OPCML: variants seen among roughly 807,000 people sequenced by gnomAD.
OPCML encodes the protein opioid binding protein/cell adhesion molecule like, also known as opioid-binding protein/cell adhesion molecule.
In OPCML, 13 loss-of-function variants were observed where a neutral mutation model predicts 37.8. That is an observed-to-expected ratio of 0.34 (90% CI 0.22 to 0.55). The LOEUF is 0.55. OPCML is among the 20% of genes least tolerant of loss of function. OPCML has a pLI of 0.91. For missense variants in OPCML, 341 were observed against 435.6 expected, an observed-to-expected ratio of 0.78 and a Z score of 1.93; for synonymous variants, 176 against 168.8, an observed-to-expected ratio of 1.04 and a Z score of -0.33.
intron 1 of OPCML, among the ~76,000 whole-genome samples, chr11:133,259,915 C>T (rs973427485): frequency 6.6e-5 from 10 of 152,136 alleles, no homozygotes; most frequent in East Asian, 1.9e-4. Flanking sequence ...TAACAGACAA[C>T]GTCCCTGTCT....
At position 133,208,435 on chromosome 11, in the gene OPCML, G is replaced by A. The variant is rs1425145661; in HGVS notation, c.62-265425C>T. 1.3e-5 allele frequency among the ~76,000 whole-genome samples: 2 copies of A among 152,158 alleles called. No individual in the cohort carries two copies. The highest frequency in any genetic ancestry group is 2.9e-5 in the Non-Finnish European group (2 of 68,034). On this transcript the variant is annotated intron_variant, in intron 1 of 7. Coordinates refer to ENST00000524381, the MANE Select transcript of OPCML (RefSeq NM_001012393.5). The surrounding 1 kb of genome is among the most constrained non-coding windows in gnomAD (Gnocchi z 8.9). ...GAGTTTACTCTGGGCGCAGGATGTGGTGCAGAGTAAATCATTAAATTTCTC... is the reference window on the plus strand; with the variant it reads ...GAGTTTACTCTGGGCGCAGGATGTGATGCAGAGTAAATCATTAAATTTCTC...
chr11:133,447,508 C>T (rs1330594657), intron 1 of OPCML, among the ~76,000 whole-genome samples: 1 of 152,162 alleles, frequency 6.6e-6, no homozygotes, highest in East Asian at 1.9e-4. Context: ...ATTTTCAGCC[C>T]TGGCCTCCTT....
chr11:133,212,806 C>G lies in OPCML; in HGVS notation c.62-269796G>C, dbSNP rs1939421105. Among the ~76,000 whole-genome samples, 1 of 152,180 alleles carries G rather than the reference C, an allele frequency of 6.6e-6. No individual in the cohort carries two copies. Among genetic ancestry groups the G allele is most frequent in the Non-Finnish European group, 1.5e-5 (1 of 68,040 alleles). On this transcript the variant is annotated intron_variant, in intron 1 of 7. Transcript: ENST00000524381. This position sits in a 1 kb window ranked among gnomAD's most constrained non-coding sequence, Gnocchi z 4.9. ...CTTGGGACCCAACCTGGCCCCCTAG[C>G]TGTTGAGAGGTAAGAGTGAACTCAT...
In OPCML at chr11:133,512,206, C is replaced by G. The variant is rs181503816; in HGVS notation, c.61+20058G>C. Among the ~76,000 whole-genome samples, 1,338 of 152,320 alleles carry G rather than the reference C, an allele frequency of 8.8e-3. 8 individuals carry two copies. Among genetic ancestry groups the G allele is most frequent in the Non-Finnish European group, 0.014 (921 of 68,028 alleles). On this transcript the variant is annotated intron_variant, in intron 1 of 7. Transcript: ENST00000524381. ...AACCAGCAACAAATCAGGATTTGTC[C>G]CAAACCTACTTACCTGTGTTTGATT...
intron 1 of OPCML, chr11:133,420,378 G>C (rs1565624902): frequency 1.0e-6 from 1 of 985,448 alleles, no homozygotes; most frequent in East Asian, 1.1e-4. Flanking sequence ...CTCTAGGACA[G>C]TAGTTGGTTC....
intron 3 of OPCML, among the ~76,000 whole-genome samples, chr11:132,599,339 AGGAGGAG>A (rs1468567531): frequency 1.3e-5 from 2 of 148,476 alleles, no homozygotes; most frequent in East Asian, 4.0e-4. Flanking sequence ...AAGGAGGAGG[AGGAGGAG>A]GAAGAAGGAG....
chr11:133,431,875 T>C (rs1470320130), intron 1 of OPCML, among the ~76,000 whole-genome samples: 1 of 150,878 alleles, frequency 6.6e-6, no homozygotes, highest in African/African-American at 2.4e-5. Flanking sequence ...AACTTACTTT[T>C]TTCAAAAGTA....
At chr11:133,178,746 G>T (rs184746008) in intron 1 of OPCML, among the ~76,000 whole-genome samples, 26 of 152,212 alleles carry the variant, frequency 1.7e-4, no homozygotes, top group Admixed American at 1.5e-3. Flanking sequence ...ATTCAGCCGA[G>T]GTAGGTGCTT....
intron 1 of OPCML, among the ~76,000 whole-genome samples, chr11:133,141,030 C>T (rs1399129299): frequency 1.4e-4 from 1 of 7,324 alleles, no homozygotes; most frequent in African/African-American, 2.4e-4. Context: ...ACGACGACGA[C>T]GACGACGACG....
At chr11:132,705,695 G>A (rs922864898) in intron 2 of OPCML, among the ~76,000 whole-genome samples, 7 of 152,170 alleles carry the variant, frequency 4.6e-5, no homozygotes, top group African/African-American at 1.4e-4. Context: ...CTTTCATCAC[G>A]GTTGTAAGTT....
At chr11:133,067,118 C>T (rs908178115) in intron 1 of OPCML, 1 of 152,206 alleles carries the variant, frequency 6.6e-6, no homozygotes, top group African/African-American at 2.4e-5. Context: ...CTGTTGCTCC[C>T]TTATGGCATA....
intron 2 of OPCML, among the ~76,000 whole-genome samples, chr11:132,889,988 G>A (rs914289330): frequency 1.2e-4 from 19 of 152,208 alleles, no homozygotes; most frequent in African/African-American, 4.6e-4. Context: ...TTTGAGAGTG[G>A]CAAAACCTAA....
At chr11:132,587,117 C>T (rs1271141686) in intron 3 of OPCML, among the ~76,000 whole-genome samples, 1 of 152,130 alleles carries the variant, frequency 6.6e-6, no homozygotes, top group Non-Finnish European at 1.5e-5. Context: ...AGCCAAATGA[C>T]CAACAGACTT....
intron 1 of OPCML, among the ~76,000 whole-genome samples, chr11:133,392,802 T>A (rs1206272157): frequency 6.6e-6 from 1 of 152,232 alleles, no homozygotes; most frequent in Non-Finnish European, 1.5e-5. Context: ...TACAGTTGAT[T>A]CTTATTTTTC....
intron 1 of OPCML, among the ~76,000 whole-genome samples, chr11:133,497,004 T>C (rs1947801345): frequency 6.6e-6 from 1 of 152,174 alleles, no homozygotes; most frequent in African/African-American, 2.4e-5. Context: ...TGCTTTCAAC[T>C]TTTCCCCATT....
At chr11:133,140,745 CGAGGAAGAAGAA>C (rs1374855482) in intron 1 of OPCML, among the ~76,000 whole-genome samples, 27 of 80,266 alleles carry the variant, frequency 3.4e-4, no homozygotes, top group Non-Finnish European at 6.0e-4. Context: ...ACGACGACGA[CGAGGAAGAAGAA>C]GACGACGAAG....
At chr11:133,393,166 G>A (rs942635303) in intron 1 of OPCML, among the ~76,000 whole-genome samples, 34 of 151,048 alleles carry the variant, frequency 2.3e-4, no homozygotes, top group African/African-American at 7.6e-4. Flanking sequence ...GAGAAAACAT[G>A]TGTGTTAGAG....
At chr11:133,247,483 C>A (rs1221780444) in intron 1 of OPCML, among the ~76,000 whole-genome samples, 1 of 152,076 alleles carries the variant, frequency 6.6e-6, no homozygotes, top group Non-Finnish European at 1.5e-5. Context: ...GTTTTTATTG[C>A]AAATAATGTC....
chr11:132,427,260 GT>G (rs2095980683), intron 7 of OPCML, among the ~76,000 whole-genome samples: 1 of 152,162 alleles, frequency 6.6e-6, no homozygotes, highest in African/African-American at 2.4e-5. Context: ...ATCTGGATAG[GT>G]TTTGTAAGTA....
Sources: allele counts gnomAD v4.1 joint callset (sites outside exome capture counted in the v4.1 genomes callset), GRCh38; gene constraint gnomAD v4.1.1; non-coding constraint Gnocchi (gnomAD v3.1); transcripts MANE v1.5; gene names NCBI Gene and HGNC (gene_info 2026-07-23, HGNC 2026-07-21).